Variants in CDH19 observed in about 807,000 individuals in gnomAD.
CDH19 encodes the protein cadherin-19.
Under a neutral mutation model 64.2 loss-of-function variants are expected in CDH19, and 67 were observed. The ratio of observed to expected loss-of-function variants is 1.04; its 90% confidence interval spans 0.86 to 1.28. The LOEUF is 1.28. Ranked by LOEUF, CDH19 falls within the 50% of genes most tolerant of loss-of-function variation. The pLI is 0.00. For synonymous variants in CDH19, 346 were observed against 319.3 expected, an observed-to-expected ratio of 1.08 and a Z score of -0.89; for missense variants, 1,030 against 929.0, an observed-to-expected ratio of 1.11 and a Z score of -1.41.
chr18:66,505,001 C>G lies in CDH19; in HGVS notation c.2130G>C (p.Pro710=). 6.2e-7 allele frequency: 1 copy of G among 1,613,576 alleles called. No individual in the cohort carries two copies. The highest frequency in any genetic ancestry group is 8.5e-7 in the Non-Finnish European group (1 of 1,179,716). ...GGAGGGAATCAAAAGGAGGGGCACA[C>G]GGATCAGTATTAGCTTCTTCGAGCT... ...LEKLEEANTD[P]CAPPFDSLQT... Residue 710 remains proline (P), a synonymous_variant, in exon 12 of 12, where the codon CCG becomes CCC. Transcript: ENST00000262150.
intron 9 of CDH19, among the ~76,000 whole-genome samples, chr18:66,513,598 T>C (rs556447395): frequency 6.6e-6 from 1 of 151,580 alleles, no homozygotes; most frequent in African/African-American, 2.4e-5. Flanking sequence ...TTATTTTTCC[T>C]TTAAATATAC....
intron 9 of CDH19, among the ~76,000 whole-genome samples, chr18:66,515,805 A>G (rs1985712098): frequency 6.6e-6 from 1 of 151,870 alleles, no homozygotes; most frequent in African/African-American, 2.4e-5. Flanking sequence ...ATATTAAACT[A>G]TAAAATATCT....
intron 1 of CDH19, among the ~76,000 whole-genome samples, chr18:66,597,250 G>C (rs1026394774): frequency 6.8e-5 from 10 of 146,564 alleles, no homozygotes; most frequent in Non-Finnish European, 1.5e-4. Context: ...GTATGGTACT[G>C]GTACAAAAAC....
chr18:66,568,440 T>C lies in CDH19; in HGVS notation c.466A>G (p.Ile156Val), dbSNP rs141147518. The C allele has an allele frequency of 4.7e-4, 753 of 1,611,640 alleles. 11 individuals carry two copies. The highest frequency in any genetic ancestry group is 1.3e-4 in the East Asian group (6 of 44,810). Residue 156 changes from isoleucine to valine, a missense_variant, in exon 3 of 12, where the codon ATT becomes GTT. Transcript: ENST00000262150. ...CCTTCTGGAGACATCTCTGGTACAA[T>C]GGCCTCATAAGGTTCATCTAGGAAT... is the stretch of plus-strand genomic sequence containing the variant. Reference protein sequence around the residue: ...PKFLDEPYEAIVPEMSPEGTL... With the variant: ...PKFLDEPYEAVVPEMSPEGTL...
chr18:66,544,328 G>T, intron 6 of CDH19, 104 bp from the exon 7 acceptor site: 1 of 1,070,584 alleles, frequency 9.3e-7, no homozygotes, highest in Non-Finnish European at 1.3e-6. Context: ...TGGCCTTTCA[G>T]TTAGATTTTT....
rs1490995423 is a variant in CDH19 at position 66,502,607 on chromosome 18, C to T, written c.*2205G>A. 6.6e-6 allele frequency: 1 copy of T among 151,894 alleles called. No individual in the cohort carries two copies. Among genetic ancestry groups the T allele is most frequent in the East Asian group, 1.9e-4 (1 of 5,184 alleles). The allele number at this position is 151,894 out of a possible 1,614,324, so 9.4% of individuals were successfully genotyped here. ...TTCTTTTTAAATAAAGGAAACAACA[C>T]TTCATGGAATAATTCATGAAAATTT... On this transcript the variant is annotated 3_prime_UTR_variant, in exon 12 of 12. Coordinates refer to ENST00000262150, the MANE Select transcript of CDH19 (RefSeq NM_021153.4).
intron 1 of CDH19, among the ~76,000 whole-genome samples, chr18:66,597,887 T>A (rs902489406): frequency 6.6e-6 from 1 of 152,016 alleles, no homozygotes; most frequent in African/African-American, 2.4e-5. Context: ...CACCTGGGCC[T>A]GTCATGGGGT....
intron 9 of CDH19, among the ~76,000 whole-genome samples, chr18:66,522,150 G>A (rs1445303472): frequency 2.6e-5 from 4 of 150,984 alleles, no homozygotes; most frequent in African/African-American, 9.7e-5. Flanking sequence ...GGGGTTCACC[G>A]TGTTAGCCAG....
intron 3 of CDH19, among the ~76,000 whole-genome samples, chr18:66,558,156 T>A (rs570215): frequency 0.64 from 94,182 of 147,876 alleles, 31,347 homozygotes; most frequent in African/African-American, 0.83. Context: ...TCATATATCT[T>A]TATCTCATAT....
intron 9 of CDH19, among the ~76,000 whole-genome samples, chr18:66,526,780 A>C (rs1419866654): frequency 6.6e-6 from 1 of 151,964 alleles, no homozygotes; most frequent in Non-Finnish European, 1.5e-5. Flanking sequence ...GTGTATTGAA[A>C]GTTTGTGTGA....
chr18:66,507,041 C>T (rs1167046493), intron 11 of CDH19, among the ~76,000 whole-genome samples: 1 of 151,804 alleles, frequency 6.6e-6, no homozygotes, highest in East Asian at 1.9e-4. Context: ...TAACTCCCAC[C>T]TGCTAAATTT....
intron 1 of CDH19, among the ~76,000 whole-genome samples, chr18:66,588,813 T>C (rs1331526825): frequency 1.3e-5 from 2 of 151,668 alleles, no homozygotes; most frequent in African/African-American, 4.8e-5. Flanking sequence ...AAAGTTACAG[T>C]TTGAAGACTG....
intron 1 of CDH19, among the ~76,000 whole-genome samples, chr18:66,579,632 TA>T (rs768048033): frequency 7.2e-5 from 11 of 152,032 alleles, no homozygotes; most frequent in Non-Finnish European, 1.3e-4. Flanking sequence ...ATAGGAAAGA[TA>T]TTGCTCTAGA....
At chr18:66,582,331 C>G (rs1599034003) in intron 1 of CDH19, among the ~76,000 whole-genome samples, 1 of 151,662 alleles carries the variant, frequency 6.6e-6, no homozygotes, top group East Asian at 1.9e-4. Flanking sequence ...AATTTAGAAA[C>G]TTAATCCTGT....
At chr18:66,578,777 A>G (rs935606766) in intron 1 of CDH19, among the ~76,000 whole-genome samples, 3 of 152,034 alleles carry the variant, frequency 2.0e-5, no homozygotes, top group South Asian at 2.1e-4. Context: ...CAATGTACTA[A>G]GAAAGTGTAA....
intron 1 of CDH19, among the ~76,000 whole-genome samples, chr18:66,579,608 A>G (rs1007819870): frequency 6.6e-6 from 1 of 152,046 alleles, no homozygotes; most frequent in Non-Finnish European, 1.5e-5. Flanking sequence ...TGACATGTCA[A>G]AAAAAGCAGG....
At chr18:66,590,758 T>C (rs1168085250) in intron 1 of CDH19, among the ~76,000 whole-genome samples, 1 of 151,972 alleles carries the variant, frequency 6.6e-6, no homozygotes, top group Non-Finnish European at 1.5e-5. Context: ...AAGTAAAGCA[T>C]AAATATAAAT....
chr18:66,534,299 A>G (rs1442424934), intron 8 of CDH19, among the ~76,000 whole-genome samples: 1 of 151,976 alleles, frequency 6.6e-6, no homozygotes, highest in African/African-American at 2.4e-5. Context: ...CAGTGTTTCC[A>G]TAGAACTGTT....
intron 11 of CDH19, 83 bp from the exon 12 acceptor site, chr18:66,505,385 A>C: frequency 2.0e-5 from 22 of 1,093,236 alleles, no homozygotes; most frequent in Non-Finnish European, 2.6e-5. Flanking sequence ...TTTCAAGCTC[A>C]AGATGAGTGC....
Sources: gnomAD v4.1 joint callset for allele counts (sites outside exome capture counted in the v4.1 genomes callset) on GRCh38, gnomAD v4.1.1 for gene constraint, MANE v1.5 for transcripts, NCBI Gene and HGNC (gene_info 2026-07-23, HGNC 2026-07-21) for gene names.